The following DHTKD1 variants were observed in gnomAD, a reference collection of about 807,000 sequenced individuals.
DHTKD1 encodes the protein dehydrogenase E1 and transketolase domain containing 1.
A neutral mutation model predicts 101.8 loss-of-function variants in DHTKD1; 78 were observed. The observed-to-expected ratio is 0.77, with a 90% confidence interval of 0.64 to 0.93. The LOEUF (loss-of-function observed/expected upper bound fraction) is 0.93. Ranked by LOEUF, DHTKD1 falls within the 40% of genes least tolerant of loss-of-function variation. The pLI is 0.00. For synonymous variants in DHTKD1, 462 were observed against 450.3 expected, an observed-to-expected ratio of 1.03 and a Z score of -0.33; for missense variants, 1,223 against 1,161.7, an observed-to-expected ratio of 1.05 and a Z score of -0.77.
chr10:12,110,309 T>C lies in DHTKD1; in HGVS notation c.2154+2294T>C, dbSNP rs747030129. On this transcript the variant is annotated intron_variant, in intron 12 of 16. Transcript: ENST00000263035. This position sits in a 1 kb window ranked among gnomAD's most constrained non-coding sequence, Gnocchi z 4.9. ...GAGACTCTGTCTCCAGAAAAAAGAA[T>C]GTGGTCCAATACAAATTCATAAACT... Among the ~76,000 whole-genome samples the C allele has an allele frequency of 2.2e-4, 33 of 151,932 alleles. No individual in the cohort carries two copies. The highest frequency in any genetic ancestry group is 4.6e-4 in the Non-Finnish European group (31 of 67,950).
At chr10:12,071,890 C>T (rs577101590) in intron 1 of DHTKD1, among the ~76,000 whole-genome samples, 10 of 152,336 alleles carry the variant, frequency 6.6e-5, no homozygotes, top group African/African-American at 2.2e-4. Flanking sequence ...TTATTTGTGA[C>T]ATATAGTACA....
At position 12,112,888 on chromosome 10, in the gene DHTKD1, C is replaced by T; in HGVS notation, c.2155-12C>T. The T allele has an allele frequency of 6.3e-7, 1 of 1,583,872 alleles. No homozygotes were observed. The highest frequency in any genetic ancestry group is 8.6e-7 in the Non-Finnish European group (1 of 1,165,688). On this transcript the variant is annotated splice_polypyrimidine_tract_variant and intron_variant, in intron 12 of 16. Transcript: ENST00000263035. ...TGAACATTCTTCTCCTTTCTTGCCA[C>T]TTCTCTCCCAGATGTGTGACAGTGC...
chr10:12,082,380 G>C (rs1832832802), intron 2 of DHTKD1, among the ~76,000 whole-genome samples: 1 of 152,050 alleles, frequency 6.6e-6, no homozygotes, highest in African/African-American at 2.4e-5. Context: ...AAAAAGTTGG[G>C]CCTGCATCAT....
Position 12,084,745 on chromosome 10 carries a change from A to C in DHTKD1, c.516A>C (p.Glu172Asp), listed in dbSNP as rs2131355069. 1 of 1,613,920 alleles carries C rather than the reference A, an allele frequency of 6.2e-7. No homozygotes were observed. The highest frequency in any genetic ancestry group is 2.2e-5 in the East Asian group (1 of 44,860). The change falls in exon 3 of 17, where the codon GAA becomes GAC. Residue 172 changes from glutamate (E) to aspartate (D), a missense_variant. Physicochemically the swap from Glu to Asp is conservative, Grantham distance 45 (BLOSUM62 2). Coordinates refer to ENST00000263035, the MANE Select transcript of DHTKD1 (RefSeq NM_018706.7). ...ERKHLSKLMLESQEFDHFLAT... is the reference protein window; with the variant it reads ...ERKHLSKLMLDSQEFDHFLAT... ...AACATCTGTCGAAACTAATGCTGGA[A>C]TCTCAGGTAAAAAGGAGCATCTAGG...
intron 1 of DHTKD1, among the ~76,000 whole-genome samples, chr10:12,080,254 C>G (rs1033860782): frequency 1.4e-5 from 2 of 145,946 alleles, no homozygotes; most frequent in Non-Finnish European, 3.0e-5. Context: ...GAGCCAGGAT[C>G]ACGCCACTGC....
At position 12,113,076 on chromosome 10, in the gene DHTKD1, G is replaced by A. The variant is rs750847492; in HGVS notation, c.2319+12G>A. 9.4e-6 allele frequency: 15 copies of A among 1,592,146 alleles called. No individual in the cohort carries two copies. In the East Asian group the frequency reaches 1.8e-4, roughly 19 times the overall value. On this transcript the variant is annotated intron_variant, in intron 13 of 16. Transcript: ENST00000263035. ...TACTCAGGCTCCCGGTAAGCAGAAG[G>A]TGGTGAATAAGCCTTCCTCCTTTTG...
chr10:12,084,004 C>T (rs1832861839), intron 2 of DHTKD1, among the ~76,000 whole-genome samples: 1 of 151,198 alleles, frequency 6.6e-6, no homozygotes, highest in African/African-American at 2.4e-5. Flanking sequence ...CTCACTGCAA[C>T]CTCTGCCTCC....
intron 3 of DHTKD1, among the ~76,000 whole-genome samples, chr10:12,085,138 C>T (rs1475678262): frequency 6.6e-6 from 1 of 152,004 alleles, no homozygotes; most frequent in Non-Finnish European, 1.5e-5. Context: ...AGAGAAACCC[C>T]GTCTCTACTA....
At position 12,091,562 on chromosome 10, in the gene DHTKD1, T is replaced by C. The variant is rs2131360674; in HGVS notation, c.1037T>C (p.Phe346Ser). ...GGTCAAGGGATTGTTCCTGAAACAT[T>C]CACGCTGTCCAATCTCCCACATTTC... ...FCGQGIVPET[F>S]TLSNLPHFRI... The change falls in exon 6 of 17, where the codon TTC becomes TCC. Residue 346 changes from phenylalanine (F) to serine (S), a missense_variant. Coordinates refer to ENST00000263035, the MANE Select transcript of DHTKD1 (RefSeq NM_018706.7). 1 of 1,612,904 alleles carries C rather than the reference T, an allele frequency of 6.2e-7. No homozygotes were observed.
rs1009836364 is a variant in DHTKD1, at chr10:12,121,980, C to T, written c.*1092C>T. On this transcript the variant is annotated 3_prime_UTR_variant, in exon 17 of 17. Transcript: ENST00000263035. Reference sequence around the variant, plus strand: ...AATTTTCCCCCTCCTTTTTGAAAGTCCTGTGGCAGTACTAATATTTTCATT... The same window carrying T: ...AATTTTCCCCCTCCTTTTTGAAAGTTCTGTGGCAGTACTAATATTTTCATT... 2 of 152,072 alleles carry T rather than the reference C, an allele frequency of 1.3e-5. No homozygotes were observed. Among genetic ancestry groups the T allele is most frequent in the African/African-American group, 4.8e-5 (2 of 41,414 alleles). 9.4% of individuals were successfully genotyped at this position (152,072 alleles called of 1,614,324 possible). A position where few individuals can be genotyped will look rare whatever the true frequency, so the allele number is the denominator to read the frequency against.
Position 12,107,883 on chromosome 10 carries a change from T to G in DHTKD1, c.2048-26T>G. 6.7e-7 allele frequency: 1 copy of G among 1,503,294 alleles called. No homozygotes were observed. Among genetic ancestry groups the G allele is most frequent in the Non-Finnish European group, 9.3e-7 (1 of 1,079,892 alleles). The allele number at this position is 1,503,294 out of a possible 1,614,324, so 93.1% of individuals were successfully genotyped here. On this transcript the variant is annotated intron_variant, in intron 11 of 16. Transcript: ENST00000263035. This position sits in a 1 kb window ranked among gnomAD's most constrained non-coding sequence, Gnocchi z 4.1. ...ACTTTGTCCCCGCTTCGTAGAGCTCTTACTCCCCACGTGGTACTTTTCCAG... is the reference window on the plus strand; with the variant it reads ...ACTTTGTCCCCGCTTCGTAGAGCTCGTACTCCCCACGTGGTACTTTTCCAG...
intron 5 of DHTKD1, among the ~76,000 whole-genome samples, chr10:12,090,515 A>G (rs1237010646): frequency 1.4e-5 from 2 of 139,214 alleles, no homozygotes; most frequent in African/African-American, 5.5e-5. Flanking sequence ...TGGGTTCTCA[A>G]TCTTTTGTCC....
rs187370185 is a variant in DHTKD1 at position 12,097,087 on chromosome 10, T to C, written c.1359-597T>C. 4.3e-3 allele frequency among the ~76,000 whole-genome samples: 662 copies of C among 152,224 alleles called. 7 individuals are homozygous for C. The highest frequency in any genetic ancestry group is 0.012 in the African/African-American group (498 of 41,576). ...AATTTATTATATTTAACATTGTTTA[T>C]TTATTTTGTTTCTGTTTTATAAACT... On this transcript the variant is annotated intron_variant, in intron 7 of 16. Transcript: ENST00000263035.
At chr10:12,091,816 A>T (rs1397440525) in intron 6 of DHTKD1, 132 bp downstream of exon 6, 7 of 678,584 alleles carry the variant, frequency 1.0e-5, no homozygotes, top group Non-Finnish European at 1.3e-5. Flanking sequence ...TAATTAATTA[A>T]TTTTTTGAGA....
At chr10:12,078,340 G>A (rs181807638) in intron 1 of DHTKD1, among the ~76,000 whole-genome samples, 131 of 152,124 alleles carry the variant, frequency 8.6e-4, no homozygotes, top group African/African-American at 3.1e-3. Context: ...TGGGAGAATT[G>A]CCTGAACCTG....
rs1232844651 is a variant in DHTKD1, at chr10:12,120,807, C to G, written c.2679C>G (p.Pro893=). The G allele has an allele frequency of 6.2e-7, 1 of 1,613,998 alleles. No individual in the cohort carries two copies. The highest frequency in any genetic ancestry group is 8.5e-7 in the Non-Finnish European group (1 of 1,180,002). Residue 893 remains proline, a synonymous_variant, in exon 17 of 17, where the codon CCC becomes CCG. Transcript: ENST00000263035. Reference sequence around the variant, plus strand: ...TATAGCTCCGTCTGGTGGGCCGGCCCCCTTTGCCAGTACCCGCTGTAGGAA... The same window carrying G: ...TATAGCTCCGTCTGGTGGGCCGGCCGCCTTTGCCAGTACCCGCTGTAGGAA... The part of the protein sequence containing the change: ...LACKLRLVGR[P]PLPVPAVGIG...
At position 12,120,796 on chromosome 10, in the gene DHTKD1, G is replaced by A; in HGVS notation, c.2668G>A (p.Val890Met). The A allele has an allele frequency of 1.2e-6, 2 of 1,614,038 alleles. No individual in the cohort carries two copies. The highest frequency in any genetic ancestry group is 1.7e-6 in the Non-Finnish European group (2 of 1,179,958). Residue 890 changes from valine (V) to methionine (M), a missense_variant, in exon 17 of 17, where the codon GTG (valine) becomes ATG (methionine). Transcript: ENST00000263035. ...TCTGCTGCACTTATAGCTCCGTCTG[G>A]TGGGCCGGCCCCCTTTGCCAGTACC... The part of the protein sequence containing the change: ...EKQLACKLRL[V>M]GRPPLPVPAV...
chr10:12,089,253 C>T lies in DHTKD1; in HGVS notation c.985C>T (p.Gln329Ter), dbSNP rs1318060525. The T allele has an allele frequency of 2.5e-6, 4 of 1,613,248 alleles. No homozygotes were observed. Among genetic ancestry groups the T allele is most frequent in the Non-Finnish European group, 3.4e-6 (4 of 1,179,636 alleles). ...GCCGGGGGACAGGGTCATTTGCTTA[C>T]AGGTACTTGGAGCTTCTGAAATTGA... ...AQPGDRVICL[Q>*]VHGDASFCGQ... is the part of the protein sequence containing the mutation. Residue 329 changes from glutamine (Q) to a stop codon, truncating the protein, a stop_gained and splice_region_variant, in exon 5 of 17, where the codon CAG (glutamine) becomes TAG (stop). Coordinates refer to ENST00000263035, the MANE Select transcript of DHTKD1 (RefSeq NM_018706.7). LOFTEE classifies it high-confidence loss of function.
At position 12,118,175 on chromosome 10, in the gene DHTKD1, C is replaced by T. The variant is rs554857299; in HGVS notation, c.2402+420C>T. On this transcript the variant is annotated intron_variant, in intron 14 of 16. Coordinates refer to ENST00000263035, the MANE Select transcript of DHTKD1 (RefSeq NM_018706.7). ...AAAGTGCTGGGATTGCAGGCGTGAGCCACCATGCCTGGCCTCCTCTATCCT... is the reference window on the plus strand; with the variant it reads ...AAAGTGCTGGGATTGCAGGCGTGAGTCACCATGCCTGGCCTCCTCTATCCT... Among the ~76,000 whole-genome samples, 4 of 152,128 alleles carry T rather than the reference C, an allele frequency of 2.6e-5. No individual in the cohort carries two copies. The East Asian group carries it at 5.8e-4, about 22-fold the overall frequency.
Sources: allele counts gnomAD v4.1 joint callset (sites outside exome capture counted in the v4.1 genomes callset), GRCh38; gene constraint gnomAD v4.1.1; non-coding constraint Gnocchi (gnomAD v3.1); transcripts MANE v1.5; gene names NCBI Gene and HGNC (gene_info 2026-07-23, HGNC 2026-07-21).